MACROD2: variants seen among roughly 807,000 people sequenced by gnomAD.
MACROD2 encodes the protein mono-ADP ribosylhydrolase 2, also known as ADP-ribose glycohydrolase MACROD2.
A neutral mutation model predicts 70.4 loss-of-function variants in MACROD2; 36 were observed. That is an observed-to-expected ratio of 0.51 (90% confidence interval 0.39 to 0.68). The LOEUF (loss-of-function observed/expected upper bound fraction) is 0.68, where lower values mean the gene tolerates loss of function less well. Ranked by LOEUF, MACROD2 falls within the 30% of genes least tolerant of loss-of-function variation. MACROD2 has a pLI of 0.00. For synonymous variants in MACROD2, 172 were observed against 178.8 expected, an observed-to-expected ratio of 0.96 and a Z score of 0.30; for missense variants, 496 against 538.4, an observed-to-expected ratio of 0.92 and a Z score of 0.78.
At chr20:15,771,452 C>T (rs186419570) in intron 8 of MACROD2, among the ~76,000 whole-genome samples, 9 of 148,678 alleles carry the variant, frequency 6.1e-5, no homozygotes, top group African/African-American at 1.8e-4. Context: ...CAAAGTGCTA[C>T]GATTATGGAT....
At chr20:15,836,748 C>T (rs539722976) in intron 8 of MACROD2, among the ~76,000 whole-genome samples, 15 of 152,292 alleles carry the variant, frequency 9.8e-5, no homozygotes, top group African/African-American at 3.6e-4. Flanking sequence ...CATGATCTGG[C>T]ATCAACCTCC....
chr20:15,832,266 T>C (rs978710158), intron 8 of MACROD2, among the ~76,000 whole-genome samples: 2 of 152,200 alleles, frequency 1.3e-5, no homozygotes, highest in African/African-American at 4.8e-5. Context: ...GGAGACAACC[T>C]GTGGGGTGGC....
intron 7 of MACROD2, among the ~76,000 whole-genome samples, chr20:15,445,592 AG>A (rs1305346194): frequency 6.6e-6 from 1 of 152,114 alleles, no homozygotes; most frequent in African/African-American, 2.4e-5. Flanking sequence ...CTTCCAACCC[AG>A]GGGACCCAGG....
chr20:14,741,342 T>A (rs1254057684), intron 5 of MACROD2, among the ~76,000 whole-genome samples: 2 of 152,176 alleles, frequency 1.3e-5, no homozygotes, highest in Non-Finnish European at 2.9e-5. Flanking sequence ...TATTTTTTAA[T>A]TGTGTTAAGA....
rs35409599 is a variant in MACROD2, at chr20:14,432,416, CT to C, written c.272-61050del. Among the ~76,000 whole-genome samples the C allele has an allele frequency of 7.9e-3, 1,114 of 140,746 alleles. 9 individuals carry two copies. The highest frequency in any genetic ancestry group is 0.023 in the African/African-American group (877 of 38,206). 92.3% of individuals were successfully genotyped at this position (140,746 alleles called of 152,430 possible). On this transcript the variant is annotated intron_variant, in intron 3 of 17. Coordinates refer to ENST00000684519, the MANE Select transcript of MACROD2 (RefSeq NM_001351661.2). Reference sequence around the variant, plus strand: ...TTTGCTAGTGTCATGAAGATAGGCACTTTTTTTTTTTTTGCTGTATATTCAA... The same window carrying C: ...TTTGCTAGTGTCATGAAGATAGGCACTTTTTTTTTTTTGCTGTATATTCAA...
At chr20:15,358,195 G>A (rs1196571159) in intron 6 of MACROD2, among the ~76,000 whole-genome samples, 1 of 152,158 alleles carries the variant, frequency 6.6e-6, no homozygotes, top group Non-Finnish European at 1.5e-5. Context: ...TATTAGTTCT[G>A]TGAGAAGTTA....
At chr20:15,155,430 T>C (rs541047292) in intron 5 of MACROD2, among the ~76,000 whole-genome samples, 4 of 152,296 alleles carry the variant, frequency 2.6e-5, no homozygotes, top group African/African-American at 9.6e-5. Context: ...TGTCTGATTC[T>C]CCATGACTTT....
intron 17 of MACROD2, 38 bp from the exon 18 acceptor site, chr20:16,049,792 T>C (rs1201016767): frequency 1.9e-6 from 3 of 1,609,804 alleles, no homozygotes; most frequent in Admixed American, 1.7e-5. Flanking sequence ...GAAGATGTCT[T>C]ATCTTTAATC....
chr20:15,651,474 A>G (rs1489418911), intron 8 of MACROD2, among the ~76,000 whole-genome samples: 1 of 152,160 alleles, frequency 6.6e-6, no homozygotes, highest in Non-Finnish European at 1.5e-5. Flanking sequence ...ACCAAACACC[A>G]GGGTCGTTGG....
chr20:14,767,276 T>C (rs968182136), intron 5 of MACROD2, among the ~76,000 whole-genome samples: 2 of 152,170 alleles, frequency 1.3e-5, no homozygotes, highest in East Asian at 3.8e-4. Context: ...ATAGTTGCCA[T>C]GGTCAACAGT....
rs2053496294 is a variant in MACROD2, at chr20:14,047,464, A to C, written c.164-38157A>C. Among the ~76,000 whole-genome samples the C allele has an allele frequency of 2.6e-5, 4 of 152,176 alleles. No individual in the cohort carries two copies. The South Asian group carries it at 8.3e-4, about 32-fold the overall frequency. Reference sequence around the variant, plus strand: ...AGCGAGACTCCGTCTCAAAAAAAAAAAAAAAAAAAAATCCATGGAAATGAT... The same window carrying C: ...AGCGAGACTCCGTCTCAAAAAAAAACAAAAAAAAAAATCCATGGAAATGAT... On this transcript the variant is annotated intron_variant, in intron 2 of 17. Transcript: ENST00000684519.
At chr20:14,837,850 G>A (rs1393934735) in intron 5 of MACROD2, among the ~76,000 whole-genome samples, 1 of 151,690 alleles carries the variant, frequency 6.6e-6, no homozygotes, top group African/African-American at 2.4e-5. Flanking sequence ...TACATGCAAG[G>A]CTCCACAGGG....
intron 5 of MACROD2, among the ~76,000 whole-genome samples, chr20:14,911,555 T>G (rs972437934): frequency 2.0e-5 from 3 of 152,020 alleles, no homozygotes; most frequent in African/African-American, 7.2e-5. Flanking sequence ...TTTTAAACTT[T>G]TTTTTTAAAG....
intron 3 of MACROD2, among the ~76,000 whole-genome samples, chr20:14,249,820 T>C (rs2081996245): frequency 6.6e-6 from 1 of 151,972 alleles, no homozygotes; most frequent in Non-Finnish European, 1.5e-5. Flanking sequence ...ACAGAAAATA[T>C]AAGGTGGCAC....
intron 3 of MACROD2, among the ~76,000 whole-genome samples, chr20:14,389,206 T>A (rs773144064): frequency 3.5e-4 from 53 of 151,880 alleles, no homozygotes; most frequent in Middle Eastern, 3.4e-3. Flanking sequence ...TATTATTATT[T>A]TTTTAAAGAG....
intron 6 of MACROD2, among the ~76,000 whole-genome samples, chr20:15,401,853 T>G (rs1482048682): frequency 2.0e-5 from 3 of 152,154 alleles, no homozygotes; most frequent in Admixed American, 2.0e-4. Context: ...GGGGGAATGA[T>G]CCCAGTGATG....
chr20:14,538,826 T>TAGC (rs1913226264), intron 4 of MACROD2, among the ~76,000 whole-genome samples: 7 of 152,196 alleles, frequency 4.6e-5, no homozygotes, highest in Admixed American at 4.6e-4. Flanking sequence ...GTTTTCTGTA[T>TAGC]AGCATGTATC....
chr20:15,279,215 T>G lies in MACROD2; in HGVS notation c.540+49154T>G, dbSNP rs546375968. Among the ~76,000 whole-genome samples, 4 of 152,310 alleles carry G rather than the reference T, an allele frequency of 2.6e-5. No homozygotes were observed. In the South Asian group the frequency reaches 8.3e-4, roughly 32 times the overall value. On this transcript the variant is annotated intron_variant, in intron 6 of 17. Transcript: ENST00000684519. ...CAGGGTGTAGGAAACTTCTAAATAG[T>G]CCTAGGAGACACACATGAACAAAAA... is the stretch of plus-strand genomic sequence containing the variant.
At chr20:14,256,779 C>T (rs1452379877) in intron 3 of MACROD2, among the ~76,000 whole-genome samples, 1 of 152,158 alleles carries the variant, frequency 6.6e-6, no homozygotes, top group African/African-American at 2.4e-5. Context: ...AATTTTCTAA[C>T]TTCTCAGCTC....
Sources: gnomAD v4.1 joint callset for allele counts (sites outside exome capture counted in the v4.1 genomes callset) on GRCh38, gnomAD v4.1.1 for gene constraint, MANE v1.5 for transcripts, NCBI Gene and HGNC (gene_info 2026-07-23, HGNC 2026-07-21) for gene names.